ASXL1: variants seen among roughly 807,000 people sequenced by gnomAD.
ASXL1 encodes the protein polycomb group protein ASXL1.
A neutral mutation model predicts 89.1 loss-of-function variants in ASXL1; 65 were observed. That is an observed-to-expected ratio of 0.73 (90% CI 0.60 to 0.90). The LOEUF (loss-of-function observed/expected upper bound fraction) is 0.90, where lower values mean the gene tolerates loss of function less well. Ranked by LOEUF, ASXL1 falls within the 40% of genes least tolerant of loss-of-function variation. The pLI is 0.00. For missense variants in ASXL1, 1,786 were observed against 1,942.9 expected, an observed-to-expected ratio of 0.92 and a Z score of 1.52; for synonymous variants, 739 against 746.9, an observed-to-expected ratio of 0.99 and a Z score of 0.17.
chr20:32,432,214 G>T, intron 10 of ASXL1: 1 of 179,898 alleles, frequency 5.6e-6, no homozygotes, highest in Non-Finnish European at 1.2e-5. Context: ...AGATGGAGAG[G>T]CACATGGGGT....
At chr20:32,387,700 T>G (rs2122969379) in intron 4 of ASXL1, among the ~76,000 whole-genome samples, 1 of 152,354 alleles carries the variant, frequency 6.6e-6, no homozygotes, top group East Asian at 1.9e-4. Context: ...CTCATCTTCC[T>G]TTGCTTTGCT....
intron 4 of ASXL1, among the ~76,000 whole-genome samples, chr20:32,415,607 C>T (rs1409237199): frequency 1.3e-5 from 2 of 152,184 alleles, no homozygotes; most frequent in Admixed American, 6.6e-5. Flanking sequence ...CACTTCCCTG[C>T]GTGCTCCGGG....
chr20:32,358,865 G>A, intron 1 of ASXL1, 33 bp downstream of exon 1: 1 of 1,403,950 alleles, frequency 7.1e-7, no homozygotes, highest in South Asian at 1.3e-5. Flanking sequence ...GCTCCGTGGG[G>A]CCCGGGGTGG....
chr20:32,419,931 C>T (rs527305747), intron 4 of ASXL1, among the ~76,000 whole-genome samples: 5 of 152,234 alleles, frequency 3.3e-5, no homozygotes, highest in African/African-American at 7.2e-5. Flanking sequence ...CCACCCACCT[C>T]GGCCTCCCGA....
In ASXL1 at chr20:32,433,831, C is replaced by A. The variant is rs137920574; in HGVS notation, c.1633C>A (p.Arg545Ser). 1 of 1,614,068 alleles carries A rather than the reference C, an allele frequency of 6.2e-7. No homozygotes were observed. Among genetic ancestry groups the A allele is most frequent in the Admixed American group, 1.7e-5 (1 of 60,020 alleles). The part of the protein sequence containing the change: ...FPEKKPRLED[R>S]QSFRNTIESV... ...CGAAAAGAAGCCCCGGCTTGAAGAT[C>A]GTCAGTCCTTTCGTAACACAATTGA... The change falls in exon 12 of 13, where the codon CGT becomes AGT. Residue 545 changes from arginine to serine, a missense_variant. Arg to Ser is a moderately radical substitution (Grantham distance 110, BLOSUM62 -1). Around this residue, in one of 3 missense-constraint regions of ASXL1, gnomAD observed 1,418 missense variants for 1,427.8 expected, o/e 0.99. Coordinates refer to ENST00000375687, the MANE Select transcript of ASXL1 (RefSeq NM_015338.6).
At chr20:32,383,293 T>C (rs1215254694) in intron 4 of ASXL1, among the ~76,000 whole-genome samples, 2 of 152,018 alleles carry the variant, frequency 1.3e-5, no homozygotes, top group South Asian at 4.1e-4. Context: ...TTGGCATTTA[T>C]AGTTGTTGGT....
At chr20:32,426,541 CTTTTTTTTCTTTCTTTTTTTT>C (rs1329255508) in intron 4 of ASXL1, among the ~76,000 whole-genome samples, 6 of 92,574 alleles carry the variant, frequency 6.5e-5, no homozygotes, top group East Asian at 1.1e-3. Context: ...AAACTGTTTT[CTTTTTTTTCTTTCTTTTTTTT>C]TTTTTTTTTT....
At chr20:32,395,876 G>A (rs912462115) in intron 4 of ASXL1, among the ~76,000 whole-genome samples, 1 of 152,124 alleles carries the variant, frequency 6.6e-6, no homozygotes, top group Non-Finnish European at 1.5e-5. Flanking sequence ...TTGGCTCGCT[G>A]CAACCTCCGC....
Position 32,437,214 on chromosome 20 carries a change from G to A in ASXL1, c.4502G>A (p.Ser1501Asn). The change falls in exon 13 of 13, where the codon AGC becomes AAC. Residue 1501 changes from serine (S) to asparagine (N), a missense_variant. Ser to Asn is a conservative substitution (Grantham distance 46). Around this residue, in one of 3 missense-constraint regions of ASXL1, gnomAD observed 36 missense variants for 65.5 expected, o/e 0.55. Transcript: ENST00000375687. ...QMFTDSSTVE[S>N]ISLQCACSLK... ...TTCACTGACAGCAGCACGGTGGAAA[G>A]CATCTCGCTCCAGTGTGCGTGCAGC... 1 of 1,613,588 alleles carries A rather than the reference G, an allele frequency of 6.2e-7. No homozygotes were observed. The highest frequency in any genetic ancestry group is 8.5e-7 in the Non-Finnish European group (1 of 1,179,480).
Position 32,431,399 on chromosome 20 carries a change from C to A in ASXL1, c.797C>A (p.Ala266Asp), listed in dbSNP as rs1469495344. ...GSILVNTNLR[A>D]LINSRTFHAL... is the part of the protein sequence containing the mutation. ...ATTCTTGTCAACACCAACCTCCGTG[C>A]CCTGATCAACTCTCGGACCTTCCAT... Residue 266 changes from alanine (A) to aspartate (D), a missense_variant, in exon 9 of 13, where the codon GCC (alanine) becomes GAC (aspartate). Ala to Asp is a moderately radical substitution (Grantham distance 126). This residue lies in a region of ASXL1 where 332 missense variants were observed against 449.7 expected (regional missense o/e 0.74). Coordinates refer to ENST00000375687, the MANE Select transcript of ASXL1 (RefSeq NM_015338.6). 6.2e-7 allele frequency: 1 copy of A among 1,614,094 alleles called. No individual in the cohort carries two copies. The highest frequency in any genetic ancestry group is 1.3e-5 in the African/African-American group (1 of 74,922).
chr20:32,392,468 G>A (rs1389450241), intron 4 of ASXL1, among the ~76,000 whole-genome samples: 1 of 150,450 alleles, frequency 6.6e-6, no homozygotes, highest in East Asian at 2.0e-4. Flanking sequence ...TTTTAGTAGA[G>A]ATGGGGTTTC....
chr20:32,395,764 T>C lies in ASXL1; in HGVS notation c.252+26641T>C, dbSNP rs369812433. On this transcript the variant is annotated intron_variant, in intron 4 of 12. Transcript: ENST00000375687. ...CTTTCCCATGTTAAATCTGTTACTC[T>C]TATCCAGAATTATACCTTTTATCCT... Among the ~76,000 whole-genome samples the C allele has an allele frequency of 2.6e-4, 40 of 152,332 alleles. No individual in the cohort carries two copies. In the South Asian group the frequency reaches 3.1e-3, roughly 12 times the overall value.
In ASXL1 at chr20:32,434,442, C is replaced by G; in HGVS notation, c.1730C>G (p.Ser577Ter). Residue 577 changes from serine to a stop codon, truncating the protein, a stop_gained, in exon 13 of 13, where the codon TCA (serine) becomes TGA (stop). Transcript: ENST00000375687. LOFTEE classifies it low-confidence loss of function (END_TRUNC). ...ATTCTTTTTTTGCAGATTCAACTTTCACGTATCAAACCACCCTGGGTGGTT... is the reference window on the plus strand; with the variant it reads ...ATTCTTTTTTTGCAGATTCAACTTTGACGTATCAAACCACCCTGGGTGGTT... ...PKVPPIRIQL[S>*]RIKPPWVVKG... is the part of the protein sequence containing the mutation. The G allele has an allele frequency of 6.2e-7, 1 of 1,614,036 alleles. No homozygotes were observed.
At chr20:32,376,699 G>C (rs1346293401) in intron 4 of ASXL1, among the ~76,000 whole-genome samples, 1 of 151,462 alleles carries the variant, frequency 6.6e-6, no homozygotes, top group Admixed American at 6.6e-5. Flanking sequence ...CTTACGTGCA[G>C]AATGGCTTGT....
At chr20:32,378,160 G>GTGTGTA (rs2048421798) in intron 4 of ASXL1, among the ~76,000 whole-genome samples, 1 of 60,296 alleles carries the variant, frequency 1.7e-5, no homozygotes, top group African/African-American at 4.1e-5. Flanking sequence ...TGAGTAATTT[G>GTGTGTA]TGTGTGTGTG....
chr20:32,392,588 T>C (rs1039493400), intron 4 of ASXL1, among the ~76,000 whole-genome samples: 1 of 149,604 alleles, frequency 6.7e-6, no homozygotes, highest in Non-Finnish European at 1.5e-5. Context: ...GCTGGGAGGC[T>C]GAGGCGGGTA....
intron 4 of ASXL1, among the ~76,000 whole-genome samples, chr20:32,419,658 C>A (rs898130064): frequency 6.6e-6 from 1 of 150,724 alleles, no homozygotes; most frequent in African/African-American, 2.4e-5. Flanking sequence ...CTTTTTTCTT[C>A]AACCCTGGCA....
In ASXL1 at chr20:32,417,165, T is replaced by C. The variant is rs946152679; in HGVS notation, c.253-10963T>C. 2.8e-4 allele frequency among the ~76,000 whole-genome samples: 42 copies of C among 152,188 alleles called. 1 individual carries two copies. Among genetic ancestry groups the C allele is most frequent in the African/African-American group, 9.9e-4 (41 of 41,450 alleles). On this transcript the variant is annotated intron_variant, in intron 4 of 12. Coordinates refer to ENST00000375687, the MANE Select transcript of ASXL1 (RefSeq NM_015338.6). Reference sequence around the variant, plus strand: ...TTTTTTTAAAAATTAATGTGTTTGATTATGGGTTGCTGGTGGTGCTGATAC... The same window carrying C: ...TTTTTTTAAAAATTAATGTGTTTGACTATGGGTTGCTGGTGGTGCTGATAC...
intron 4 of ASXL1, among the ~76,000 whole-genome samples, chr20:32,396,755 T>G (rs1347195531): frequency 6.6e-6 from 1 of 152,112 alleles, no homozygotes; most frequent in African/African-American, 2.4e-5. Context: ...CCCCTAATAG[T>G]AATATAAAAA....
Sources: allele counts gnomAD v4.1 joint callset (sites outside exome capture counted in the v4.1 genomes callset), GRCh38; gene constraint gnomAD v4.1.1; regional missense constraint gnomAD v4.1.1; transcripts MANE v1.5; gene names NCBI Gene and HGNC (gene_info 2026-07-23, HGNC 2026-07-21).